The following PPP3CC variants were observed in gnomAD, a reference collection of about 807,000 sequenced individuals.
PPP3CC encodes the protein protein phosphatase 3 catalytic subunit gamma.
A neutral mutation model predicts 60.3 loss-of-function variants in PPP3CC; 35 were observed. The observed-to-expected ratio is 0.58, with a 90% confidence interval of 0.44 to 0.77. The LOEUF is 0.77. PPP3CC is among the 30% of genes least tolerant of loss of function. The pLI is 0.00. For missense variants in PPP3CC, 570 were observed against 628.9 expected (o/e 0.91, Z 1.00); for synonymous variants, 206 against 224.3 (o/e 0.92, Z 0.73).
intron 1 of PPP3CC, among the ~76,000 whole-genome samples, chr8:22,474,361 T>G (rs73227871): frequency 0.13 from 19,282 of 152,186 alleles, 1,567 homozygotes; most frequent in Middle Eastern, 0.19. Flanking sequence ...GTGTCTTGTC[T>G]CATTTATAAC....
intron 1 of PPP3CC, among the ~76,000 whole-genome samples, chr8:22,447,896 A>G (rs754411987): frequency 6.6e-6 from 1 of 152,168 alleles, no homozygotes; most frequent in Non-Finnish European, 1.5e-5. Context: ...AGAAAGATAT[A>G]CTGGATGGCT....
At chr8:22,506,868 G>A (rs1838938171) in intron 4 of PPP3CC, among the ~76,000 whole-genome samples, 1 of 152,016 alleles carries the variant, frequency 6.6e-6, no homozygotes, top group South Asian at 2.1e-4. Context: ...TGTGAACCCG[G>A]GAGGCGGAGC....
chr8:22,465,822 T>A (rs1185739436), intron 1 of PPP3CC, among the ~76,000 whole-genome samples: 3 of 151,920 alleles, frequency 2.0e-5, no homozygotes, highest in Non-Finnish European at 2.9e-5. Flanking sequence ...TTGTAGCCAT[T>A]TTTTTTTAGT....
At chr8:22,513,937 G>T (rs1285036603) in intron 6 of PPP3CC, among the ~76,000 whole-genome samples, 5 of 152,136 alleles carry the variant, frequency 3.3e-5, no homozygotes, top group African/African-American at 1.2e-4. Context: ...CTTTCATTAT[G>T]ATTAGACACT....
intron 3 of PPP3CC, among the ~76,000 whole-genome samples, chr8:22,486,300 A>G (rs1194926390): frequency 6.6e-6 from 1 of 152,058 alleles, no homozygotes; most frequent in African/African-American, 2.4e-5. Flanking sequence ...GATCTCAGGG[A>G]AGGAAGGCCC....
At chr8:22,457,011 CCCTCCCTTCCTCCCTTCCTCCCTT>C (rs1177026624) in intron 1 of PPP3CC, among the ~76,000 whole-genome samples, 1 of 60,328 alleles carries the variant, frequency 1.7e-5, no homozygotes, top group African/African-American at 9.6e-5. Context: ...CTCCCTCCCT[CCCTCCCTTCCTCCCTTCCTCCCTT>C]CCTCCCTCCC....
intron 1 of PPP3CC, 133 bp downstream of exon 1, chr8:22,441,591 C>A: frequency 1.0e-6 from 1 of 995,556 alleles, no homozygotes; most frequent in Non-Finnish European, 1.3e-6. Flanking sequence ...TAGACAGAGC[C>A]GGGCGGCAGC....
At chr8:22,494,245 A>T (rs1375163529) in intron 3 of PPP3CC, among the ~76,000 whole-genome samples, 1 of 152,204 alleles carries the variant, frequency 6.6e-6, no homozygotes, top group Non-Finnish European at 1.5e-5. Context: ...CCTCAGAATC[A>T]TGGCAGGAGA....
intron 4 of PPP3CC, among the ~76,000 whole-genome samples, chr8:22,502,808 T>C (rs538030786): frequency 5.3e-4 from 81 of 152,332 alleles, no homozygotes; most frequent in African/African-American, 1.6e-3. Flanking sequence ...ATTAAAAATA[T>C]ATAATGTACA....
intron 6 of PPP3CC, among the ~76,000 whole-genome samples, chr8:22,514,974 G>A (rs888194224): frequency 4.0e-5 from 6 of 151,856 alleles, no homozygotes; most frequent in African/African-American, 7.3e-5. Context: ...CACTGTGGCC[G>A]GCCTCTTCTA....
intron 1 of PPP3CC, among the ~76,000 whole-genome samples, chr8:22,444,276 A>G (rs1836760886): frequency 6.6e-6 from 1 of 152,014 alleles, no homozygotes; most frequent in South Asian, 2.1e-4. Context: ...AAAAAAAAAA[A>G]ACTCATCTGT....
Position 22,454,294 on chromosome 8 carries a change from A to G in PPP3CC, c.49+12836A>G, listed in dbSNP as rs571005428. Among the ~76,000 whole-genome samples the G allele has an allele frequency of 1.8e-4, 27 of 152,296 alleles. No homozygotes were observed. In the East Asian group the frequency reaches 3.9e-3, roughly 22 times the overall value. ...GGCCTCCAGAGAGTCAGGATGATCA[A>G]TGTCACTGTCTTCTACCTCCACCTC... is the stretch of plus-strand genomic sequence containing the variant. On this transcript the variant is annotated intron_variant, in intron 1 of 13. Transcript: ENST00000240139.
At chr8:22,525,436 TTCTC>T (rs375579777) in intron 8 of PPP3CC, among the ~76,000 whole-genome samples, 51 of 151,280 alleles carry the variant, frequency 3.4e-4, no homozygotes, top group African/African-American at 1.1e-3. Context: ...CTCTTTTCTT[TTCTC>T]TCTCTTTCTC....
chr8:22,513,394 T>C lies in PPP3CC; in HGVS notation c.732T>C (p.Tyr244=). The part of the protein sequence containing the change: ...DYGNEKTLEH[Y]THNTVRGCSY... ...GCAATGAGAAGACCTTGGAGCACTA[T>C]ACCCACAACACTGTCCGAGGGTGCT... Residue 244 remains tyrosine (Y), a synonymous_variant, in exon 6 of 14, where the codon TAT becomes TAC. Coordinates refer to ENST00000240139, the MANE Select transcript of PPP3CC (RefSeq NM_005605.5). The C allele has an allele frequency of 1.2e-6, 2 of 1,613,958 alleles. No homozygotes were observed. The highest frequency in any genetic ancestry group is 1.1e-5 in the South Asian group (1 of 91,034).
chr8:22,452,256 T>A (rs1837056221), intron 1 of PPP3CC, among the ~76,000 whole-genome samples: 1 of 152,002 alleles, frequency 6.6e-6, no homozygotes, highest in Admixed American at 6.6e-5. Context: ...CCCAGCCTGG[T>A]CTCAAACTCC....
chr8:22,535,093 G>T (rs373324455), intron 12 of PPP3CC, among the ~76,000 whole-genome samples: 1 of 152,220 alleles, frequency 6.6e-6, no homozygotes, highest in African/African-American at 2.4e-5. Flanking sequence ...TTGTGCACCT[G>T]CTGTGCCTCG....
At chr8:22,470,868 T>C (rs1837701103) in intron 1 of PPP3CC, among the ~76,000 whole-genome samples, 1 of 152,210 alleles carries the variant, frequency 6.6e-6, no homozygotes, top group South Asian at 2.1e-4. Flanking sequence ...GTTGACCCCA[T>C]AAACTTTCAG....
chr8:22,475,045 A>G lies in PPP3CC; in HGVS notation c.141A>G (p.Val47=). The change falls in exon 2 of 14, where the codon GTA becomes GTG. Residue 47 remains valine (V), a synonymous_variant. Coordinates refer to ENST00000240139, the MANE Select transcript of PPP3CC (RefSeq NM_005605.5). Reference sequence around the variant, plus strand: ...TTGATGTTTTAAAAAACCATTTGGTAAAGGAAGGACGACTGGAAGAGGAAG... The same window carrying G: ...TTGATGTTTTAAAAAACCATTTGGTGAAGGAAGGACGACTGGAAGAGGAAG... ...PKVDVLKNHL[V]KEGRLEEEVA... 6.2e-7 allele frequency: 1 copy of G among 1,613,484 alleles called. No individual in the cohort carries two copies. The highest frequency in any genetic ancestry group is 8.5e-7 in the Non-Finnish European group (1 of 1,179,550).
At chr8:22,475,659 ATTGTCTTTC>A in intron 3 of PPP3CC, 35 bp downstream of exon 3, 1 of 1,530,106 alleles carries the variant, frequency 6.5e-7, no homozygotes, top group Non-Finnish European at 8.8e-7. Context: ...GGACTATTAT[ATTGTCTTTC>A]AAAAAAGATG....
Sources: allele counts gnomAD v4.1 joint callset (sites outside exome capture counted in the v4.1 genomes callset), GRCh38; gene constraint gnomAD v4.1.1; transcripts MANE v1.5; gene names NCBI Gene and HGNC (gene_info 2026-07-23, HGNC 2026-07-21).